The following PTPRO variants were observed in gnomAD, a reference collection of about 807,000 sequenced individuals.
The protein encoded by PTPRO is protein tyrosine phosphatase receptor type O, also known as receptor-type tyrosine-protein phosphatase O.
PTPRO carries 62 observed loss-of-function variants against 145.2 expected under a neutral mutation model. The observed-to-expected ratio is 0.43, with a 90% CI of 0.35 to 0.53. PTPRO has a LOEUF of 0.53. Among genes scored for constraint, PTPRO ranks in the 20% least tolerant of loss-of-function variants. The pLI is 0.01. For missense variants in PTPRO, 1,345 were observed against 1,482.7 expected (o/e 0.91, Z 1.53); for synonymous variants, 565 against 514.7 (o/e 1.10, Z -1.32).
chr12:15,573,696 C>A, intron 19 of PTPRO, among the ~76,000 whole-genome samples: 1 of 152,106 alleles, frequency 6.6e-6, no homozygotes, highest in East Asian at 1.9e-4. Flanking sequence ...GCCCGCTGGT[C>A]CAATTTACTT....
intron 1 of PTPRO, among the ~76,000 whole-genome samples, chr12:15,400,774 C>A (rs950670579): frequency 6.6e-6 from 1 of 152,144 alleles, no homozygotes; most frequent in South Asian, 2.1e-4. Flanking sequence ...ACAAAATATA[C>A]CAAAACTCCT....
At chr12:15,571,109 GCA>G (rs763251330) in intron 19 of PTPRO, among the ~76,000 whole-genome samples, 4 of 152,178 alleles carry the variant, frequency 2.6e-5, no homozygotes, top group Non-Finnish European at 4.4e-5. Flanking sequence ...CAGGGAAGCA[GCA>G]CAGTTTCAGG....
At chr12:15,420,148 G>GAAAAAAAAAAAAAAA (rs35302259) in intron 1 of PTPRO, among the ~76,000 whole-genome samples, 2 of 81,712 alleles carry the variant, frequency 2.4e-5, no homozygotes, top group Non-Finnish European at 4.6e-5. Context: ...CTCCGACTCA[G>GAAAAAAAAAAAAAAA]AAAAAAAAAA....
chr12:15,541,798 G>A (rs1591706968), intron 12 of PTPRO, among the ~76,000 whole-genome samples: 1 of 152,168 alleles, frequency 6.6e-6, no homozygotes, highest in East Asian at 1.9e-4. Flanking sequence ...GATCACTTGA[G>A]GTGAGGAGTT....
intron 1 of PTPRO, among the ~76,000 whole-genome samples, chr12:15,332,671 T>G (rs1225706080): frequency 6.6e-6 from 1 of 152,246 alleles, no homozygotes; most frequent in Non-Finnish European, 1.5e-5. Context: ...AGCTGATGCT[T>G]AGATATTGTC....
At chr12:15,426,020 T>G (rs1326494771) in intron 1 of PTPRO, among the ~76,000 whole-genome samples, 1 of 151,270 alleles carries the variant, frequency 6.6e-6, no homozygotes, top group Non-Finnish European at 1.5e-5. Context: ...TGAAGAAAAC[T>G]GATATTGTCA....
chr12:15,456,482 A>C (rs1267500532), intron 1 of PTPRO, among the ~76,000 whole-genome samples: 1 of 152,082 alleles, frequency 6.6e-6, no homozygotes, highest in Admixed American at 6.6e-5. Flanking sequence ...AAGGTATTTT[A>C]CTTGGTATTT....
intron 1 of PTPRO, among the ~76,000 whole-genome samples, chr12:15,360,095 C>G (rs932012866): frequency 6.6e-6 from 1 of 152,172 alleles, no homozygotes; most frequent in African/African-American, 2.4e-5. Context: ...CAAATGTGGG[C>G]CCTTCCCTCT....
At position 15,565,586 on chromosome 12, in the gene PTPRO, T is replaced by A. The variant is rs780375697; in HGVS notation, c.2712-7T>A. The A allele has an allele frequency of 1.4e-5, 20 of 1,450,940 alleles. No homozygotes were observed. Among genetic ancestry groups the A allele is most frequent in the Non-Finnish European group, 1.8e-5 (19 of 1,036,022 alleles). The allele number at this position is 1,450,940 out of a possible 1,614,324, so 89.9% of individuals were successfully genotyped here. ...GATAAATTTGTCTTTTCTTTTTTAA[T>A]TATCAGGAGTAAAAATGGTTTAAAG... On this transcript the variant is annotated splice_region_variant and splice_polypyrimidine_tract_variant and intron_variant, in intron 17 of 26. Transcript: ENST00000281171.
At chr12:15,441,996 C>A (rs1221649241) in intron 1 of PTPRO, among the ~76,000 whole-genome samples, 2 of 152,082 alleles carry the variant, frequency 1.3e-5, no homozygotes, top group Non-Finnish European at 2.9e-5. Context: ...CTAACACATT[C>A]TACAAAGCCA....
rs1334978475 is a variant in PTPRO at position 15,513,161 on chromosome 12, GAA to G, written c.1465-2335_1465-2334del. On this transcript the variant is annotated intron_variant, in intron 7 of 26. Coordinates refer to ENST00000281171, the MANE Select transcript of PTPRO (RefSeq NM_030667.3). Reference sequence around the variant, plus strand: ...GAAGGAAGAAAGAAAGAAAGAAAAAGAAAGAAAGAAAGAAAGAAAGAAAGAAA... The same window carrying G: ...GAAGGAAGAAAGAAAGAAAGAAAAAGAGAAAGAAAGAAAGAAAGAAAGAAA... Among the ~76,000 whole-genome samples, 2 of 15,554 alleles carry G rather than the reference GAA, an allele frequency of 1.3e-4. 1 individual carries two copies. The highest frequency in any genetic ancestry group is 5.4e-3 in the South Asian group (2 of 372). The allele number at this position is 15,554 out of a possible 152,430, so 10.2% of individuals were successfully genotyped here.
chr12:15,527,174 C>T (rs1591688525), intron 12 of PTPRO, among the ~76,000 whole-genome samples: 2 of 152,274 alleles, frequency 1.3e-5, no homozygotes, highest in East Asian at 1.9e-4. Flanking sequence ...AACTCAAATA[C>T]GAGGATGCGA....
rs191952830 is a variant in PTPRO, at chr12:15,448,953, C to A, written c.76-35021C>A. Among the ~76,000 whole-genome samples the A allele has an allele frequency of 1.1e-3, 167 of 150,954 alleles. 1 individual carries two copies. Among genetic ancestry groups the A allele is most frequent in the African/African-American group, 4.0e-3 (163 of 41,180 alleles). On this transcript the variant is annotated intron_variant, in intron 1 of 26. Transcript: ENST00000281171. ...ATATGGACTTACTTGTATGTGGAAT[C>A]TGAAAAAAAAGGTGAATACATATAG...
At chr12:15,370,345 T>C (rs988329276) in intron 1 of PTPRO, among the ~76,000 whole-genome samples, 2 of 150,366 alleles carry the variant, frequency 1.3e-5, no homozygotes, top group Admixed American at 6.6e-5. Context: ...CAATTTCACA[T>C]CTGTCATAAC....
chr12:15,376,664 G>A (rs7968033), intron 1 of PTPRO, among the ~76,000 whole-genome samples: 22,473 of 152,080 alleles, frequency 0.15, 3,752 homozygotes, highest in African/African-American at 0.41. Flanking sequence ...GTGCCAACAG[G>A]TTCAGCATCT....
chr12:15,568,055 CATAA>C, intron 18 of PTPRO, among the ~76,000 whole-genome samples: 1 of 152,296 alleles, frequency 6.6e-6, no homozygotes, highest in East Asian at 1.9e-4. Flanking sequence ...AAAATGTTAA[CATAA>C]ATGAATTAAT....
chr12:15,449,018 A>C (rs963538465), intron 1 of PTPRO, among the ~76,000 whole-genome samples: 1 of 152,144 alleles, frequency 6.6e-6, no homozygotes, highest in African/African-American at 2.4e-5. Flanking sequence ...ATTAAATTTA[A>C]AGTTTAATTG....
intron 15 of PTPRO, among the ~76,000 whole-genome samples, chr12:15,553,115 C>G (rs1350287356): frequency 1.3e-5 from 2 of 151,984 alleles, no homozygotes; most frequent in Non-Finnish European, 2.9e-5. Context: ...GAGATCGAAT[C>G]TTGACTTCCA....
intron 1 of PTPRO, among the ~76,000 whole-genome samples, chr12:15,422,173 T>G (rs572395769): frequency 8.5e-5 from 13 of 152,160 alleles, no homozygotes; most frequent in Non-Finnish European, 1.8e-4. Context: ...GATTTACAAT[T>G]TTTTGACTGT....
Sources: allele counts gnomAD v4.1 joint callset (sites outside exome capture counted in the v4.1 genomes callset), GRCh38; gene constraint gnomAD v4.1.1; transcripts MANE v1.5; gene names NCBI Gene and HGNC (gene_info 2026-07-23, HGNC 2026-07-21).